Variants in TMEM156 observed in about 807,000 individuals in gnomAD.
TMEM156 encodes the protein transmembrane protein 156.
A neutral mutation model predicts 30.5 loss-of-function variants in TMEM156; 28 were observed. The ratio of observed to expected loss-of-function variants is 0.92; its 90% CI spans 0.68 to 1.26. The LOEUF (loss-of-function observed/expected upper bound fraction) is 1.26, where lower values mean the gene tolerates loss of function less well. Ranked by LOEUF, TMEM156 falls within the 50% of genes most tolerant of loss-of-function variation. TMEM156 has a pLI of 0.00. For missense variants in TMEM156, 351 were observed against 340.6 expected, an observed-to-expected ratio of 1.03 and a Z score of -0.24; for synonymous variants, 137 against 119.9, an observed-to-expected ratio of 1.14 and a Z score of -0.93.
At chr4:39,002,224 G>A (rs936736223) in intron 1 of TMEM156, among the ~76,000 whole-genome samples, 2 of 150,970 alleles carry the variant, frequency 1.3e-5, no homozygotes, top group Non-Finnish European at 2.9e-5. Flanking sequence ...GTGGGCGAAG[G>A]ACATGAACAG....
At chr4:39,027,758 C>CT (rs112766367) in intron 1 of TMEM156, among the ~76,000 whole-genome samples, 4,840 of 120,720 alleles carry the variant, frequency 0.04, 345 homozygotes, top group African/African-American at 0.14. Context: ...TTTTCTTTTT[C>CT]TTTTTTTTTT....
intron 1 of TMEM156, among the ~76,000 whole-genome samples, chr4:39,027,549 T>A (rs921640716): frequency 1.5e-4 from 20 of 133,962 alleles, no homozygotes; most frequent in African/African-American, 5.6e-4. Context: ...TCTATACTAT[T>A]CCTTTTTTTT....
intron 5 of TMEM156, among the ~76,000 whole-genome samples, chr4:38,977,998 AC>A (rs1403200232): frequency 6.6e-6 from 1 of 152,128 alleles, no homozygotes; most frequent in Non-Finnish European, 1.5e-5. Flanking sequence ...TCTAACCTCA[AC>A]TCATCTTTCC....
intron 5 of TMEM156, among the ~76,000 whole-genome samples, chr4:38,984,779 A>C (rs1314061522): frequency 6.6e-6 from 1 of 151,634 alleles, no homozygotes; most frequent in Non-Finnish European, 1.5e-5. Flanking sequence ...TCTTGGTTTT[A>C]AAAAGGCCAT....
intron 5 of TMEM156, among the ~76,000 whole-genome samples, chr4:38,984,646 C>A (rs1711838992): frequency 6.6e-6 from 1 of 152,086 alleles, no homozygotes; most frequent in South Asian, 2.1e-4. Flanking sequence ...GATTTCCTTT[C>A]CCTTTCTCTG....
In TMEM156 at chr4:38,978,182, A is replaced by AT. The variant is rs754726801; in HGVS notation, c.824-7046dup. On this transcript the variant is annotated intron_variant, in intron 5 of 6. Coordinates refer to ENST00000381938, the MANE Select transcript of TMEM156 (RefSeq NM_024943.3). Reference sequence around the variant, plus strand: ...ACTGCTAAGGGAATTTGCCCCAGCCATTTTTTTTTATTCTCTTATCTCCAA... The same window carrying AT: ...ACTGCTAAGGGAATTTGCCCCAGCCATTTTTTTTTTATTCTCTTATCTCCAA... Among the ~76,000 whole-genome samples, 584 of 151,656 alleles carry AT rather than the reference A, an allele frequency of 3.9e-3. 2 individuals are homozygous for AT. The highest frequency in any genetic ancestry group is 6.1e-3 in the South Asian group (29 of 4,776).
intron 1 of TMEM156, among the ~76,000 whole-genome samples, chr4:39,014,523 C>T (rs555544170): frequency 5.3e-5 from 8 of 151,938 alleles, no homozygotes; most frequent in Non-Finnish European, 1.0e-4. Flanking sequence ...CTTTGGGAGG[C>T]GGAGGTGGGC....
At chr4:39,017,201 G>C (rs1242004836) in intron 1 of TMEM156, among the ~76,000 whole-genome samples, 2 of 106,352 alleles carry the variant, frequency 1.9e-5, no homozygotes, top group Non-Finnish European at 3.5e-5. Context: ...TTGAGACAGA[G>C]TCTCGCTCTG....
chr4:38,992,179 A>G (rs1450394087), intron 3 of TMEM156, among the ~76,000 whole-genome samples: 1 of 152,198 alleles, frequency 6.6e-6, no homozygotes, highest in African/African-American at 2.4e-5. Context: ...TATGTCTGGA[A>G]TATCAAAAAG....
At chr4:38,992,938 T>C (rs1466235985) in intron 3 of TMEM156, among the ~76,000 whole-genome samples, 1 of 150,418 alleles carries the variant, frequency 6.6e-6, no homozygotes, top group East Asian at 2.0e-4. Flanking sequence ...ATTTTTTATA[T>C]TTTTAGTAGA....
At chr4:39,011,378 C>T (rs551561131) in intron 1 of TMEM156, among the ~76,000 whole-genome samples, 86 of 152,242 alleles carry the variant, frequency 5.6e-4, no homozygotes, top group African/African-American at 1.9e-3. Flanking sequence ...GTCATTTGAC[C>T]GAGTAATCTT....
intron 5 of TMEM156, among the ~76,000 whole-genome samples, chr4:38,982,713 T>G (rs913065893): frequency 6.6e-6 from 1 of 152,236 alleles, no homozygotes; most frequent in Non-Finnish European, 1.5e-5. Context: ...TTAACTATCC[T>G]ATTAGTTCTG....
Position 38,971,138 on chromosome 4 carries a change from C to T in TMEM156, c.824-1G>A, listed in dbSNP as rs752249148. 6.2e-7 allele frequency: 1 copy of T among 1,613,650 alleles called. No homozygotes were observed. Among genetic ancestry groups the T allele is most frequent in the Non-Finnish European group, 8.5e-7 (1 of 1,179,772 alleles). On this transcript the variant is annotated splice_acceptor_variant, in intron 5 of 6. Transcript: ENST00000381938. LOFTEE classifies it high-confidence loss of function. ...AAAGGCAGCCTCTGCGTGGTCTCTG[C>T]TATTTAAGAAGGAGAACTGTTTTAG... is the stretch of plus-strand genomic sequence containing the variant.
At chr4:38,994,066 A>G (rs1712750246) in intron 2 of TMEM156, 68 bp from the exon 3 acceptor site, 2 of 1,363,094 alleles carry the variant, frequency 1.5e-6, no homozygotes, top group Non-Finnish European at 2.0e-6. Flanking sequence ...CATACAATTC[A>G]AAACTAAATC....
intron 1 of TMEM156, among the ~76,000 whole-genome samples, chr4:39,024,720 T>G (rs1163898966): frequency 6.6e-6 from 1 of 152,136 alleles, no homozygotes; most frequent in Non-Finnish European, 1.5e-5. Flanking sequence ...TAATGGGTAC[T>G]AGGCTCAATA....
chr4:38,969,919 C>G (rs1037104305), intron 6 of TMEM156, among the ~76,000 whole-genome samples: 3 of 152,144 alleles, frequency 2.0e-5, no homozygotes, highest in Non-Finnish European at 2.9e-5. Context: ...TGGGTAGATA[C>G]CCAGTAGCGG....
At chr4:38,968,503 A>G (rs1722447764) in intron 6 of TMEM156, among the ~76,000 whole-genome samples, 1 of 152,202 alleles carries the variant, frequency 6.6e-6, no homozygotes, top group Admixed American at 6.5e-5. Context: ...GCCAATGAGT[A>G]GGATTCTCAA....
chr4:39,003,827 C>T (rs1277514370), intron 1 of TMEM156, among the ~76,000 whole-genome samples: 4 of 152,094 alleles, frequency 2.6e-5, no homozygotes, highest in Non-Finnish European at 5.9e-5. Context: ...CTTTCAACTT[C>T]TTCAATTTAT....
Position 38,986,400 on chromosome 4 carries a change from T to C in TMEM156, c.759A>G (p.Thr253=), listed in dbSNP as rs1228135709. 6.2e-7 allele frequency: 1 copy of C among 1,613,102 alleles called. No individual in the cohort carries two copies. The highest frequency in any genetic ancestry group is 1.1e-5 in the South Asian group (1 of 91,068). ...AATCACTTCCTCTTAAGAGAACAGA[T>C]GTAGGTTTGTCTCTATGACCTATTC... The part of the protein sequence containing the change: ...QKWQSHRDKP[T]SVLLRGSDSE... The change falls in exon 5 of 7, where the codon ACA becomes ACG. Residue 253 remains threonine, a synonymous_variant. Coordinates refer to ENST00000381938, the MANE Select transcript of TMEM156 (RefSeq NM_024943.3).
Sources: allele counts gnomAD v4.1 joint callset (sites outside exome capture counted in the v4.1 genomes callset), GRCh38; gene constraint gnomAD v4.1.1; transcripts MANE v1.5; gene names NCBI Gene and HGNC (gene_info 2026-07-23, HGNC 2026-07-21).